The following YTHDF2 variants were observed in gnomAD, a reference collection of about 807,000 sequenced individuals.
YTHDF2 encodes YTH domain-containing family protein 2.
YTHDF2 carries 2 observed loss-of-function variants against 50.4 expected under a neutral mutation model. The ratio of observed to expected loss-of-function variants is 0.04; its 90% CI spans 0.02 to 0.12. YTHDF2 has a LOEUF of 0.12. Ranked by LOEUF, YTHDF2 falls within the 10% of genes least tolerant of loss-of-function variation. The pLI is 1.00. For missense variants in YTHDF2, 483 were observed against 722.6 expected (o/e 0.67, Z 3.80); for synonymous variants, 217 against 255.6 (o/e 0.85, Z 1.44).
chr1:28,744,565 GAA>G (rs2087830128), intron 4 of YTHDF2, among the ~76,000 whole-genome samples: 1 of 152,220 alleles, frequency 6.6e-6, no homozygotes, highest in Non-Finnish European at 1.5e-5. Flanking sequence ...AGTTGAATTT[GAA>G]AGAGTTGGTA....
At chr1:28,751,861 A>T (rs2087957846) in intron 4 of YTHDF2, among the ~76,000 whole-genome samples, 1 of 152,234 alleles carries the variant, frequency 6.6e-6, no homozygotes, top group Non-Finnish European at 1.5e-5. Context: ...GGGGGAAATT[A>T]AGAATTCATG....
intron 4 of YTHDF2, among the ~76,000 whole-genome samples, chr1:28,756,363 A>G (rs569331355): frequency 7.9e-5 from 12 of 152,338 alleles, no homozygotes; most frequent in African/African-American, 2.6e-4. Context: ...CGTTTAGTAT[A>G]TCTTGAATAG....
At chr1:28,766,291 T>C (rs2088214639) in intron 4 of YTHDF2, among the ~76,000 whole-genome samples, 1 of 152,084 alleles carries the variant, frequency 6.6e-6, no homozygotes, top group Non-Finnish European at 1.5e-5. Context: ...ATGTATGTAT[T>C]TGTAATGTAA....
chr1:28,759,261 T>C (rs1219735638), intron 4 of YTHDF2, among the ~76,000 whole-genome samples: 1 of 152,172 alleles, frequency 6.6e-6, no homozygotes, highest in Non-Finnish European at 1.5e-5. Flanking sequence ...ATATAGGTAC[T>C]GGAAAGACCT....
At chr1:28,753,764 T>A (rs553161223) in intron 4 of YTHDF2, among the ~76,000 whole-genome samples, 1 of 150,724 alleles carries the variant, frequency 6.6e-6, no homozygotes, top group Non-Finnish European at 1.5e-5. Context: ...TGGAGTGCAA[T>A]GGCGCGATCT....
chr1:28,750,434 T>C (rs975407070), intron 4 of YTHDF2, among the ~76,000 whole-genome samples: 9 of 152,228 alleles, frequency 5.9e-5, no homozygotes, highest in Non-Finnish European at 7.3e-5. Flanking sequence ...CTAAAAGAGA[T>C]GTTATAGAAA....
At chr1:28,751,007 C>T (rs2087943344) in intron 4 of YTHDF2, among the ~76,000 whole-genome samples, 1 of 143,802 alleles carries the variant, frequency 7.0e-6, no homozygotes, top group Non-Finnish European at 1.5e-5. Context: ...GTATAAGAAT[C>T]GCTTGAACTT....
rs193102667 is a variant in YTHDF2 at position 28,750,791 on chromosome 1, G to A, written c.1716+6805G>A. On this transcript the variant is annotated intron_variant, in intron 4 of 4. Transcript: ENST00000373812. ...AAATTGTTTCCTAAACTGTGAAAAGGCTTATTAAAGAAATTTAGAGGCTGG... is the reference window on the plus strand; with the variant it reads ...AAATTGTTTCCTAAACTGTGAAAAGACTTATTAAAGAAATTTAGAGGCTGG... Among the ~76,000 whole-genome samples, 1,147 of 151,622 alleles carry A rather than the reference G, an allele frequency of 7.6e-3. 5 individuals carry two copies. Among genetic ancestry groups the A allele is most frequent in the Non-Finnish European group, 9.9e-3 (675 of 67,876 alleles).
chr1:28,768,881 ATGT>A, intron 4 of YTHDF2, 45 bp from the exon 5 acceptor site: 1 of 1,485,334 alleles, frequency 6.7e-7, no homozygotes, highest in South Asian at 1.3e-5. Flanking sequence ...TTCATAAAGC[ATGT>A]TCAGATAATT....
At chr1:28,765,585 C>T (rs1048779563) in intron 4 of YTHDF2, among the ~76,000 whole-genome samples, 8 of 151,494 alleles carry the variant, frequency 5.3e-5, no homozygotes, top group Admixed American at 3.9e-4. Context: ...ATTACAGGCA[C>T]GCACCACCAC....
At chr1:28,763,225 G>C (rs1373081113) in intron 4 of YTHDF2, among the ~76,000 whole-genome samples, 1 of 152,182 alleles carries the variant, frequency 6.6e-6, no homozygotes, top group Non-Finnish European at 1.5e-5. Context: ...TTAAGCCACA[G>C]ACCAGATCTG....
intron 4 of YTHDF2, among the ~76,000 whole-genome samples, chr1:28,749,179 CTTTTTTTTT>C (rs60729215): frequency 1.9e-5 from 2 of 107,426 alleles, no homozygotes; most frequent in African/African-American, 7.5e-5. Context: ...TTCTTTCTTC[CTTTTTTTTT>C]TTTTTTTTTT....
At chr1:28,756,156 A>T (rs2088032939) in intron 4 of YTHDF2, among the ~76,000 whole-genome samples, 1 of 152,196 alleles carries the variant, frequency 6.6e-6, no homozygotes, top group Admixed American at 6.5e-5. Context: ...TTAAAGAGCT[A>T]TTATAAAGCT....
intron 2 of YTHDF2, 25 bp downstream of exon 2, chr1:28,737,707 C>A: frequency 6.2e-7 from 1 of 1,612,782 alleles, no homozygotes; most frequent in Admixed American, 1.7e-5. Flanking sequence ...GCCGGTGGCC[C>A]TGAGCCGGGA....
At chr1:28,752,250 T>C (rs904619500) in intron 4 of YTHDF2, among the ~76,000 whole-genome samples, 1 of 152,188 alleles carries the variant, frequency 6.6e-6, no homozygotes, top group Non-Finnish European at 1.5e-5. Context: ...TAATATGCTG[T>C]TGCACACTGA....
chr1:28,738,816 T>A (rs2087734869), intron 3 of YTHDF2, among the ~76,000 whole-genome samples: 2 of 152,244 alleles, frequency 1.3e-5, no homozygotes, highest in East Asian at 3.8e-4. Context: ...GTTCACCTCC[T>A]TAATACCTAT....
At chr1:28,737,274 G>T in intron 1 of YTHDF2, 127 bp downstream of exon 1, 1 of 1,259,290 alleles carries the variant, frequency 7.9e-7, no homozygotes, top group Non-Finnish European at 1.1e-6. Flanking sequence ...CCAGGTTTCG[G>T]GCCTCTCAGG....
chr1:28,748,043 G>A (rs1289202159), intron 4 of YTHDF2, among the ~76,000 whole-genome samples: 1 of 151,570 alleles, frequency 6.6e-6, no homozygotes, highest in African/African-American at 2.4e-5. Context: ...CAGGAGAATG[G>A]CGTGAACCCA....
chr1:28,736,895 G>GGCGC (rs2087695695), upstream of YTHDF2: 1 of 530,060 alleles, frequency 1.9e-6, no homozygotes, highest in Admixed American at 3.7e-5. Flanking sequence ...GTGGGGGGCG[G>GGCGC]GCGCGCGCGT....
Sources: allele counts gnomAD v4.1 joint callset (sites outside exome capture counted in the v4.1 genomes callset), GRCh38; gene constraint gnomAD v4.1.1; transcripts MANE v1.5; gene names NCBI Gene and HGNC (gene_info 2026-07-23, HGNC 2026-07-21).